Variants in COLEC11 observed in about 807,000 individuals in gnomAD.
COLEC11 encodes the protein collectin subfamily member 11, also known as collectin-11.
Under a neutral mutation model 27.3 loss-of-function variants are expected in COLEC11, and 20 were observed. That is an observed-to-expected ratio of 0.73 (90% CI 0.51 to 1.06). The LOEUF is 1.06. Among genes scored for constraint, COLEC11 ranks in the 50% least tolerant of loss-of-function variants. COLEC11 has a pLI of 0.00. For missense variants in COLEC11, 310 were observed against 383.0 expected, an observed-to-expected ratio of 0.81 and a Z score of 1.59; for synonymous variants, 163 against 154.7, an observed-to-expected ratio of 1.05 and a Z score of -0.40.
intron 2 of COLEC11, chr2:3,606,309 C>T: frequency 7.2e-7 from 1 of 1,394,536 alleles, no homozygotes; most frequent in Admixed American, 2.0e-5. Flanking sequence ...CGCCGCCTTT[C>T]CCAGGTGCTG....
intron 1 of COLEC11, among the ~76,000 whole-genome samples, chr2:3,601,394 C>T (rs931479582): frequency 2.6e-5 from 4 of 152,164 alleles, no homozygotes; most frequent in Non-Finnish European, 5.9e-5. Flanking sequence ...CTCAACTTCC[C>T]AGGCTCAGGT....
intron 3 of COLEC11, among the ~76,000 whole-genome samples, chr2:3,614,907 G>C (rs999053327): frequency 6.6e-5 from 10 of 152,182 alleles, no homozygotes; most frequent in African/African-American, 2.4e-4. Context: ...AATAACATCA[G>C]TCTTCCCAAT....
chr2:3,609,399 T>A (rs543258850), intron 2 of COLEC11, among the ~76,000 whole-genome samples: 1 of 136,706 alleles, frequency 7.3e-6, no homozygotes, highest in Admixed American at 8.1e-5. Flanking sequence ...AGACAGGATC[T>A]TGCTCTGTCA....
intron 3 of COLEC11, among the ~76,000 whole-genome samples, chr2:3,636,923 A>C (rs1396275891): frequency 6.6e-6 from 1 of 152,168 alleles, no homozygotes; most frequent in Non-Finnish European, 1.5e-5. Flanking sequence ...ACCACTGCAT[A>C]CACCTAAGCT....
At chr2:3,614,532 A>ATTCTTTTTTT (rs1170530945) in intron 3 of COLEC11, among the ~76,000 whole-genome samples, 5 of 152,208 alleles carry the variant, frequency 3.3e-5, no homozygotes, top group South Asian at 2.1e-4. Flanking sequence ...GAGCTGGAAC[A>ATTCTTTTTTT]TTCTTTTTTT....
At position 3,644,007 on chromosome 2, in the gene COLEC11, T is replaced by A. The variant is rs768525658; in HGVS notation, c.705T>A (p.Asn235Lys). The A allele has an allele frequency of 6.2e-7, 1 of 1,614,028 alleles. No homozygotes were observed. Among genetic ancestry groups the A allele is most frequent in the East Asian group, 2.2e-5 (1 of 44,882 alleles). ...AGTGGCGCAGCGGTGAGCCCAACAA[T>A]GCCTACGACGAGGAGGACTGCGTGG... ...FNKWRSGEPN[N>K]AYDEEDCVEM... Residue 235 changes from asparagine to lysine, a missense_variant, in exon 7 of 7, where the codon AAT becomes AAA. Asn to Lys is a moderately conservative substitution (Grantham distance 94). Coordinates refer to ENST00000349077, the MANE Select transcript of COLEC11 (RefSeq NM_024027.5).
intron 3 of COLEC11, among the ~76,000 whole-genome samples, chr2:3,620,651 T>A (rs2147907789): frequency 6.6e-6 from 1 of 152,326 alleles, no homozygotes; most frequent in East Asian, 1.9e-4. Context: ...TTATTTGTAA[T>A]CTTTATTTTC....
At chr2:3,603,684 T>C in intron 1 of COLEC11, 1 of 1,550,814 alleles carries the variant, frequency 6.4e-7, no homozygotes, top group Non-Finnish European at 8.7e-7. Context: ...CCGCCCCTCC[T>C]GGGATGGTCA....
intron 5 of COLEC11, among the ~76,000 whole-genome samples, chr2:3,641,983 CGGAGGCGATGACCAG>C (rs1385504071): frequency 6.6e-6 from 1 of 152,186 alleles, no homozygotes; most frequent in Non-Finnish European, 1.5e-5. Context: ...CCCGGCACCA[CGGAGGCGATGACCAG>C]GTGTCACTCT....
At chr2:3,641,856 T>C (rs1458293329) in intron 5 of COLEC11, among the ~76,000 whole-genome samples, 2 of 151,924 alleles carry the variant, frequency 1.3e-5, no homozygotes, top group Admixed American at 1.3e-4. Context: ...GTGGAAACTG[T>C]GGGAAAAGGC....
intron 1 of COLEC11, among the ~76,000 whole-genome samples, chr2:3,600,804 CTT>C (rs1662162695): frequency 6.6e-6 from 1 of 152,152 alleles, no homozygotes; most frequent in Admixed American, 6.5e-5. Context: ...AAAATGACAC[CTT>C]GAGGTATTAA....
At chr2:3,643,655 T>C in intron 6 of COLEC11, 72 bp from the exon 7 acceptor site, 1 of 1,609,926 alleles carries the variant, frequency 6.2e-7, no homozygotes, top group Non-Finnish European at 8.5e-7. Flanking sequence ...CGGCCCCTGC[T>C]GCCTGTGGCT....
intron 1 of COLEC11, among the ~76,000 whole-genome samples, chr2:3,600,873 T>C (rs1662167257): frequency 6.6e-6 from 1 of 152,266 alleles, no homozygotes; most frequent in Non-Finnish European, 1.5e-5. Context: ...CTTTTGTGTG[T>C]ATCTGACATT....
chr2:3,640,263 G>GT lies in COLEC11; in HGVS notation c.275-9dup. The GT allele has an allele frequency of 3.2e-6, 5 of 1,571,682 alleles. No homozygotes were observed. The highest frequency in any genetic ancestry group is 4.4e-6 in the Non-Finnish European group (5 of 1,141,614). On this transcript the variant is annotated splice_polypyrimidine_tract_variant and intron_variant, in intron 4 of 6. Transcript: ENST00000349077. ...ATCTCTGCCTGGTGACTTGGACCTT[G>GT]TTTTTTATTTTCAGGTGAGAAAGGA...
At chr2:3,633,083 G>A (rs2147942147) in intron 3 of COLEC11, among the ~76,000 whole-genome samples, 1 of 152,326 alleles carries the variant, frequency 6.6e-6, no homozygotes, top group Middle Eastern at 3.4e-3. Flanking sequence ...GCTGTTCAAG[G>A]ACAGTGACAG....
At chr2:3,606,079 C>T (rs939277285) in intron 2 of COLEC11, 15 of 1,549,768 alleles carry the variant, frequency 9.7e-6, no homozygotes, top group Admixed American at 2.0e-5. Flanking sequence ...GTGGCTTTGG[C>T]CCTGACTTTG....
chr2:3,617,720 G>A (rs545945549), intron 3 of COLEC11: 43 of 1,547,876 alleles, frequency 2.8e-5, no homozygotes, highest in Middle Eastern at 2.3e-4. Context: ...GTGCGAGAAC[G>A]AGAGAAGTCT....
intron 3 of COLEC11, among the ~76,000 whole-genome samples, chr2:3,619,728 C>T (rs545256449): frequency 1.1e-4 from 17 of 152,214 alleles, no homozygotes; most frequent in African/African-American, 3.4e-4. Flanking sequence ...TGAGTTCAAC[C>T]GATTCTCCTG....
At chr2:3,600,396 A>G (rs1485888397) in intron 1 of COLEC11, among the ~76,000 whole-genome samples, 3 of 152,108 alleles carry the variant, frequency 2.0e-5, no homozygotes, top group Admixed American at 2.0e-4. Flanking sequence ...CTCTACAAAA[A>G]AGACAAAAAT....
Sources: allele counts gnomAD v4.1 joint callset (sites outside exome capture counted in the v4.1 genomes callset), GRCh38; gene constraint gnomAD v4.1.1; transcripts MANE v1.5; gene names NCBI Gene and HGNC (gene_info 2026-07-23, HGNC 2026-07-21).